Variants in PUM1 observed in about 807,000 individuals in gnomAD.
PUM1 encodes the protein pumilio homolog 1.
In PUM1, 13 loss-of-function variants were observed where a neutral mutation model predicts 131.8. The observed-to-expected ratio is 0.10, with a 90% CI of 0.06 to 0.16. The LOEUF is 0.16. Among genes scored for constraint, PUM1 ranks in the 10% least tolerant of loss-of-function variants. The pLI is 1.00. For missense variants in PUM1, 961 were observed against 1,512.4 expected (o/e 0.64, Z 6.05); for synonymous variants, 509 against 556.5 (o/e 0.91, Z 1.20).
rs1423074049 is a variant in PUM1 at position 31,065,659 on chromosome 1, T to C, written c.-55A>G. 2.6e-6 allele frequency: 4 copies of C among 1,549,464 alleles called. No individual in the cohort carries two copies. In the East Asian group the frequency reaches 7.3e-5, roughly 28 times the overall value. ...AAGATGGATTTCAGCCCCCCGATCT[T>C]CTCTCTCTGGCGCTCTCGCTCCCCC... On this transcript the variant is annotated 5_prime_UTR_variant, in exon 1 of 22. Coordinates refer to ENST00000426105, the MANE Select transcript of PUM1 (RefSeq NM_001020658.2).
At position 31,009,782 on chromosome 1, in the gene PUM1, A is replaced by AAAAAC. The variant is rs1553150217; in HGVS notation, c.433-2681_433-2680insGTTTT. On this transcript the variant is annotated intron_variant, in intron 3 of 21. Transcript: ENST00000426105. The stretch of plus-strand genomic sequence containing the variant: ...GACTCTGTCTCAAAAAAAAAAAAAA[A>AAAAAC]AAAAACAAAAACAGAAACAAAAAAA... Among the ~76,000 whole-genome samples, 10 of 125,352 alleles carry AAAAAC rather than the reference A, an allele frequency of 8.0e-5. 1 individual carries two copies. The highest frequency in any genetic ancestry group is 4.4e-3 in the Middle Eastern group (1 of 226). 82.2% of individuals were successfully genotyped at this position (125,352 alleles called of 152,430 possible).
chr1:30,988,325 G>GGCT, intron 7 of PUM1, among the ~76,000 whole-genome samples: 2 of 152,294 alleles, frequency 1.3e-5, no homozygotes, highest in Admixed American at 1.3e-4. Flanking sequence ...CCTATTTGCA[G>GGCT]GCTGCTCCAT....
chr1:30,937,247 A>G (rs1360967788), intron 20 of PUM1, among the ~76,000 whole-genome samples: 1 of 152,062 alleles, frequency 6.6e-6, no homozygotes, highest in Non-Finnish European at 1.5e-5. Context: ...CTGGTTCACC[A>G]CCAGCTGGTT....
intron 2 of PUM1, among the ~76,000 whole-genome samples, chr1:31,030,898 G>C (rs1009498877): frequency 5.9e-5 from 9 of 152,262 alleles, no homozygotes; most frequent in African/African-American, 2.2e-4. Flanking sequence ...AGATACAAAA[G>C]ATTGGGAATG....
intron 14 of PUM1, among the ~76,000 whole-genome samples, chr1:30,958,189 G>A (rs939007419): frequency 5.9e-5 from 9 of 152,104 alleles, no homozygotes; most frequent in African/African-American, 1.4e-4. Flanking sequence ...ACTAAAAGGC[G>A]TATAAAACCC....
At chr1:31,036,724 T>C (rs1015396410) in intron 2 of PUM1, 7 of 152,752 alleles carry the variant, frequency 4.6e-5, no homozygotes, top group African/African-American at 1.7e-4. Context: ...TGGCTATACA[T>C]GAGGACACGT....
chr1:31,049,234 G>A (rs937599240), intron 2 of PUM1, among the ~76,000 whole-genome samples: 1 of 151,628 alleles, frequency 6.6e-6, no homozygotes, highest in East Asian at 1.9e-4. Context: ...TACAAAAATT[G>A]GCTGGGGGCG....
intron 8 of PUM1, 55 bp downstream of exon 8, chr1:30,981,257 A>G: frequency 8.7e-7 from 1 of 1,144,218 alleles, no homozygotes; most frequent in Non-Finnish European, 1.3e-6. Flanking sequence ...GCAACCAGTT[A>G]TCCTAAAATG....
chr1:31,016,015 TAAG>T (rs1642805163), intron 3 of PUM1, among the ~76,000 whole-genome samples: 1 of 152,190 alleles, frequency 6.6e-6, no homozygotes, highest in South Asian at 2.1e-4. Flanking sequence ...ATAGCAATTT[TAAG>T]AAGAGAGCTC....
Position 30,953,734 on chromosome 1 carries a change from G to A in PUM1, c.2571C>T (p.Ser857=), listed in dbSNP as rs996644082. The part of the protein sequence containing the change: ...REIAGHIMEF[S]QDQHGSRFIQ... ...CTCACCTGGACCCATGCTGGTCTTGGGAAAATTCCATTATATGTCCAGCAA... is the reference window on the plus strand; with the variant it reads ...CTCACCTGGACCCATGCTGGTCTTGAGAAAATTCCATTATATGTCCAGCAA... The change falls in exon 15 of 22, where the codon TCC becomes TCT. Residue 857 remains serine (S), a synonymous_variant. Transcript: ENST00000426105. 2.5e-6 allele frequency: 4 copies of A among 1,614,058 alleles called. No individual in the cohort carries two copies. The African/African-American group carries it at 4.0e-5, about 16-fold the overall frequency.
At chr1:31,049,879 G>A (rs1644067831) in intron 2 of PUM1, among the ~76,000 whole-genome samples, 1 of 139,820 alleles carries the variant, frequency 7.2e-6, no homozygotes, top group African/African-American at 2.7e-5. Context: ...GCCCAAGCTG[G>A]AGTGCAGTGG....
intron 9 of PUM1, among the ~76,000 whole-genome samples, chr1:30,978,999 G>A (rs1020402803): frequency 2.0e-5 from 3 of 151,920 alleles, no homozygotes. Flanking sequence ...AGCTACTCAG[G>A]AGGCTGACGC....
chr1:31,033,569 T>C (rs1643510953), intron 2 of PUM1, among the ~76,000 whole-genome samples: 1 of 152,078 alleles, frequency 6.6e-6, no homozygotes, highest in South Asian at 2.1e-4. Flanking sequence ...TTTTACCATG[T>C]TGCCCAGGCA....
At chr1:31,003,814 G>A (rs1642303741) in intron 5 of PUM1, among the ~76,000 whole-genome samples, 1 of 152,094 alleles carries the variant, frequency 6.6e-6, no homozygotes, top group Non-Finnish European at 1.5e-5. Flanking sequence ...TCCACCAGAA[G>A]ACTGTATATG....
intron 20 of PUM1, 51 bp from the exon 21 acceptor site, chr1:30,936,886 G>C (rs1238878300): frequency 6.8e-7 from 1 of 1,465,716 alleles, no homozygotes; most frequent in African/African-American, 1.4e-5. Context: ...GCCCCTGTTA[G>C]TGAGGCTGTG....
intron 2 of PUM1, among the ~76,000 whole-genome samples, chr1:31,058,639 G>A (rs748574439): frequency 5.8e-5 from 8 of 138,944 alleles, no homozygotes; most frequent in African/African-American, 8.0e-5. Flanking sequence ...TCCAGCCTGG[G>A]CAAAAGAGTG....
intron 2 of PUM1, among the ~76,000 whole-genome samples, chr1:31,030,686 G>C (rs968575053): frequency 2.7e-5 from 4 of 148,962 alleles, no homozygotes; most frequent in African/African-American, 1.0e-4. Context: ...ACTCTAGCCT[G>C]GGTGAGAGTG....
chr1:31,065,537 C>G (rs949612840), intron 1 of PUM1, 79 bp downstream of exon 1: 11 of 1,494,378 alleles, frequency 7.4e-6, no homozygotes, highest in Middle Eastern at 1.7e-4. Flanking sequence ...CAACCACTCT[C>G]AAACACCAAT....
chr1:30,963,943 A>C (rs899663507), intron 14 of PUM1, among the ~76,000 whole-genome samples: 1 of 152,202 alleles, frequency 6.6e-6, no homozygotes, highest in Admixed American at 6.5e-5. Flanking sequence ...AGTATGCACC[A>C]TGCTTGAGAT....
Sources: allele counts gnomAD v4.1 joint callset (sites outside exome capture counted in the v4.1 genomes callset), GRCh38; gene constraint gnomAD v4.1.1; transcripts MANE v1.5; gene names NCBI Gene and HGNC (gene_info 2026-07-23, HGNC 2026-07-21).